Variants in SNX2 observed in about 807,000 individuals in gnomAD.
SNX2 encodes sorting nexin 2, also known as sorting nexin-2.
SNX2 carries 25 observed loss-of-function variants against 69.9 expected under a neutral mutation model. The ratio of observed to expected loss-of-function variants is 0.36; its 90% CI spans 0.26 to 0.50. SNX2 has a LOEUF of 0.50. SNX2 is among the 20% of genes least tolerant of loss of function. SNX2 has a pLI of 0.97. For synonymous variants in SNX2, 229 were observed against 200.4 expected (o/e 1.14, Z -1.20); for missense variants, 551 against 613.3 (o/e 0.90, Z 1.07).
intron 1 of SNX2, among the ~76,000 whole-genome samples, chr5:122,794,799 A>T (rs1753337335): frequency 6.6e-6 from 1 of 152,132 alleles, no homozygotes; most frequent in Admixed American, 6.5e-5. Flanking sequence ...AAGTGGGAGG[A>T]TCACTTGAAC....
Position 122,831,627 on chromosome 5 carries a change from T to C in SNX2, c.*1979T>C, listed in dbSNP as rs1040005609. On this transcript the variant is annotated 3_prime_UTR_variant, in exon 15 of 15. Transcript: ENST00000379516. ...CAGAAACGAATAATTCATAGTAATA[T>C]ATATCAGATGCTATCTTGTTGCTCC... is the stretch of plus-strand genomic sequence containing the variant. Among the ~76,000 whole-genome samples the C allele has an allele frequency of 6.6e-6, 1 of 152,202 alleles. No individual in the cohort carries two copies. Among genetic ancestry groups the C allele is most frequent in the Non-Finnish European group, 1.5e-5 (1 of 68,026 alleles).
chr5:122,777,282 T>C (rs1285324756), intron 1 of SNX2, among the ~76,000 whole-genome samples: 1 of 152,188 alleles, frequency 6.6e-6, no homozygotes. Context: ...ATAGGGATCT[T>C]GTTGAAGTGC....
chr5:122,795,526 C>T, intron 2 of SNX2, 143 bp downstream of exon 2: 1 of 608,768 alleles, frequency 1.6e-6, no homozygotes. Context: ...GGGGAATTTC[C>T]AGTCACATCA....
At chr5:122,778,469 A>G (rs1191105598) in intron 1 of SNX2, among the ~76,000 whole-genome samples, 1 of 151,996 alleles carries the variant, frequency 6.6e-6, no homozygotes, top group Admixed American at 6.6e-5. Flanking sequence ...CTTTCTCCAC[A>G]TCTTTGCTAG....
Position 122,832,537 on chromosome 5 carries a change from TTTTTC to T in SNX2, c.*2893_*2897del, listed in dbSNP as rs1159909953. The T allele has an allele frequency of 6.6e-6, 1 of 152,208 alleles. No individual in the cohort carries two copies. The highest frequency in any genetic ancestry group is 2.4e-5 in the African/African-American group (1 of 41,484). The allele number at this position is 152,208 out of a possible 1,614,324, so 9.4% of individuals were successfully genotyped here. A position where few individuals can be genotyped will look rare whatever the true frequency, so the allele number is the denominator to read the frequency against. On this transcript the variant is annotated 3_prime_UTR_variant, in exon 15 of 15. Transcript: ENST00000379516. ...TTTCATTGTTGCTACTCCTTAAACTTTTTTCTTTATTATCTAGATCTAGTAAAGTT... is the reference window on the plus strand; with the variant it reads ...TTTCATTGTTGCTACTCCTTAAACTTTTTATTATCTAGATCTAGTAAAGTT...
At chr5:122,812,776 A>G (rs1753809617) in intron 7 of SNX2, among the ~76,000 whole-genome samples, 1 of 152,214 alleles carries the variant, frequency 6.6e-6, no homozygotes, top group Non-Finnish European at 1.5e-5. Flanking sequence ...ATAGGTAGTA[A>G]GAGCTCAGTA....
At chr5:122,820,032 T>A (rs1218211617) in intron 11 of SNX2, among the ~76,000 whole-genome samples, 3 of 152,318 alleles carry the variant, frequency 2.0e-5, no homozygotes, top group Admixed American at 6.5e-5. Context: ...TCTCAGTATT[T>A]AGAAATGTTA....
At chr5:122,805,954 G>A (rs1183654336) in intron 6 of SNX2, among the ~76,000 whole-genome samples, 1 of 151,790 alleles carries the variant, frequency 6.6e-6, no homozygotes, top group Non-Finnish European at 1.5e-5. Context: ...CTAATGTTTT[G>A]TATTTTTAGT....
At chr5:122,806,433 G>A (rs1372206583) in intron 6 of SNX2, among the ~76,000 whole-genome samples, 1 of 152,022 alleles carries the variant, frequency 6.6e-6, no homozygotes, top group East Asian at 1.9e-4. Flanking sequence ...TCTCCTGTTT[G>A]CTGGGAAGCT....
intron 10 of SNX2, among the ~76,000 whole-genome samples, chr5:122,818,528 A>G (rs1753950203): frequency 6.6e-6 from 1 of 152,220 alleles, no homozygotes; most frequent in Non-Finnish European, 1.5e-5. Context: ...GAAACAGTGA[A>G]CACTGTGGGA....
At chr5:122,805,257 C>T (rs929198416) in intron 6 of SNX2, among the ~76,000 whole-genome samples, 3 of 149,588 alleles carry the variant, frequency 2.0e-5, no homozygotes, top group African/African-American at 7.4e-5. Context: ...TGCCATTGCA[C>T]TCCAGGCTGG....
chr5:122,775,849 G>A (rs980685766), intron 1 of SNX2: 1 of 917,358 alleles, frequency 1.1e-6, no homozygotes, highest in Non-Finnish European at 1.3e-6. Flanking sequence ...GCTGAAGGCA[G>A]GATTAGTCCA....
At chr5:122,795,640 T>C in intron 2 of SNX2, 1 of 293,140 alleles carries the variant, frequency 3.4e-6, no homozygotes, top group Non-Finnish European at 6.3e-6. Context: ...GGGGGCAGTA[T>C]TTAGATGCAA....
rs142702384 is a variant in SNX2, at chr5:122,797,498, C to T, written c.226+2115C>T. Among the ~76,000 whole-genome samples, 84 of 152,242 alleles carry T rather than the reference C, an allele frequency of 5.5e-4. 3 individuals carry two copies. In the East Asian group the frequency reaches 0.016, roughly 29 times the overall value. ...TTTTTGTATGAATGAATGAGTATTA[C>T]ACTTGGTTCTTATTTATAATACATT... On this transcript the variant is annotated intron_variant, in intron 2 of 14. Transcript: ENST00000379516.
Position 122,804,826 on chromosome 5 carries a change from T to A in SNX2, c.643+1213T>A, listed in dbSNP as rs552917132. Among the ~76,000 whole-genome samples, 251 of 152,352 alleles carry A rather than the reference T, an allele frequency of 1.6e-3. 2 individuals are homozygous for A. Among genetic ancestry groups the A allele is most frequent in the South Asian group, 3.5e-3 (17 of 4,832 alleles). ...TTTCAGTCATAGGTTTTTATTTACC[T>A]TTTTCTTTTTTTTCCTTTAAAGTAA... On this transcript the variant is annotated intron_variant, in intron 6 of 14. Coordinates refer to ENST00000379516, the MANE Select transcript of SNX2 (RefSeq NM_003100.4).
Position 122,825,260 on chromosome 5 carries a change from A to G in SNX2, c.1213-790A>G, listed in dbSNP as rs535328015. Among the ~76,000 whole-genome samples the G allele has an allele frequency of 4.6e-5, 7 of 152,216 alleles. No individual in the cohort carries two copies. The East Asian group carries it at 1.4e-3, about 29-fold the overall frequency. On this transcript the variant is annotated intron_variant, in intron 11 of 14. Transcript: ENST00000379516. Reference sequence around the variant, plus strand: ...AAAATAATTTTAATATTTCTCTAACATCAAGCCAGAAAGAGGATTCTTAGT... The same window carrying G: ...AAAATAATTTTAATATTTCTCTAACGTCAAGCCAGAAAGAGGATTCTTAGT...
chr5:122,803,004 T>C (rs911221205), intron 5 of SNX2, among the ~76,000 whole-genome samples: 4 of 152,194 alleles, frequency 2.6e-5, no homozygotes, highest in Non-Finnish European at 5.9e-5. Flanking sequence ...TAAATATTCA[T>C]TAAACACCTA....
At chr5:122,804,414 GGA>G (rs1460172923) in intron 6 of SNX2, among the ~76,000 whole-genome samples, 2 of 143,730 alleles carry the variant, frequency 1.4e-5, no homozygotes, top group Non-Finnish European at 3.0e-5. Context: ...CATCCAGGCT[GGA>G]GTGCAGTGGT....
At position 122,776,583 on chromosome 5, in the gene SNX2, A is replaced by G. The variant is rs1455902205; in HGVS notation, c.108+1372A>G. ...TAATAAAAATTATCTTGCAGAATAT[A>G]TTTTCGGGGATTAGTATCCTTTTAG... On this transcript the variant is annotated intron_variant, in intron 1 of 14. Coordinates refer to ENST00000379516, the MANE Select transcript of SNX2 (RefSeq NM_003100.4). 7.2e-5 allele frequency among the ~76,000 whole-genome samples: 11 copies of G among 152,138 alleles called. 1 individual carries two copies. Among genetic ancestry groups the G allele is most frequent in the Admixed American group, 5.2e-4 (8 of 15,276 alleles).
Sources: allele counts gnomAD v4.1 joint callset (sites outside exome capture counted in the v4.1 genomes callset), GRCh38; gene constraint gnomAD v4.1.1; transcripts MANE v1.5; gene names NCBI Gene and HGNC (gene_info 2026-07-23, HGNC 2026-07-21).